Variants in PRDM12 observed in about 807,000 individuals in gnomAD.
PRDM12 encodes PR/SET domain 12.
PRDM12 carries 17 observed loss-of-function variants against 29.6 expected under a neutral mutation model. That is an observed-to-expected ratio of 0.57 (90% confidence interval 0.39 to 0.86). The LOEUF is 0.86. PRDM12 is among the 40% of genes least tolerant of loss of function. The pLI is 0.00. For missense variants in PRDM12, 422 were observed against 510.8 expected (o/e 0.83, Z 1.68); for synonymous variants, 231 against 225.8 (o/e 1.02, Z -0.21).
At chr9:130,667,512 C>G (rs979057561) in intron 2 of PRDM12, among the ~76,000 whole-genome samples, 1 of 140,896 alleles carries the variant, frequency 7.1e-6, no homozygotes, top group Non-Finnish European at 1.5e-5. Context: ...CTCATTCCCT[C>G]GCCCGCTCCC....
chr9:130,671,846 C>T (rs954839154), intron 3 of PRDM12, among the ~76,000 whole-genome samples: 11 of 152,220 alleles, frequency 7.2e-5, no homozygotes, highest in Non-Finnish European at 1.2e-4. Context: ...CTCAGAACTG[C>T]CACTCATAGT....
Position 130,682,731 on chromosome 9 carries a change from T to C in PRDM12, c.*1062T>C, listed in dbSNP as rs900688523. ...CCCTCTGGTGTCGCCTCTCACACTT[T>C]GCAGTCATTTACCAGGATTCCCGTA... On this transcript the variant is annotated 3_prime_UTR_variant, in exon 5 of 5. Transcript: ENST00000253008. This position sits in a 1 kb window ranked among gnomAD's most constrained non-coding sequence, Gnocchi z 4.2. 6.6e-6 allele frequency: 1 copy of C among 152,570 alleles called. No individual in the cohort carries two copies. Among genetic ancestry groups the C allele is most frequent in the Non-Finnish European group, 1.5e-5 (1 of 68,038 alleles). 9.5% of individuals were successfully genotyped at this position (152,570 alleles called of 1,614,324 possible).
rs1022036578 is a variant in PRDM12, at chr9:130,681,755, C to A, written c.*86C>A. The A allele has an allele frequency of 1.9e-5, 18 of 965,782 alleles. No homozygotes were observed. Among genetic ancestry groups the A allele is most frequent in the African/African-American group, 1.1e-4 (6 of 56,638 alleles). 59.8% of individuals were successfully genotyped at this position (965,782 alleles called of 1,614,324 possible). On this transcript the variant is annotated 3_prime_UTR_variant, in exon 5 of 5. Coordinates refer to ENST00000253008, the MANE Select transcript of PRDM12 (RefSeq NM_021619.3). This position sits in a 1 kb window ranked among gnomAD's most constrained non-coding sequence, Gnocchi z 8.1. The stretch of plus-strand genomic sequence containing the variant: ...AGCGCGACTCGCCCTCCAGCCCCAA[C>A]CCCCGGCCCGGCGCCGCCGCGGAGC...
chr9:130,676,967 C>T (rs1830848596), intron 3 of PRDM12, among the ~76,000 whole-genome samples: 1 of 152,058 alleles, frequency 6.6e-6, no homozygotes, highest in Non-Finnish European at 1.5e-5. Flanking sequence ...GGAGTGGTCA[C>T]CCAGGCTGGA....
intron 3 of PRDM12, 39 bp from the exon 4 acceptor site, chr9:130,678,490 T>A (rs775665008): frequency 6.7e-7 from 1 of 1,484,460 alleles, no homozygotes; most frequent in South Asian, 1.2e-5. Context: ...ACCTCCCAGC[T>A]GCGGCCTCCC....
chr9:130,681,414 G>C lies in PRDM12; in HGVS notation c.849G>C (p.Ser283=), dbSNP rs1415891726. The C allele has an allele frequency of 1.9e-6, 3 of 1,600,382 alleles. No individual in the cohort carries two copies. The highest frequency in any genetic ancestry group is 1.7e-5 in the Admixed American group (1 of 59,510). The change falls in exon 5 of 5, where the codon TCG becomes TCC. Residue 283 remains serine (S), a synonymous_variant. Transcript: ENST00000253008. The surrounding 1 kb of genome is among the most constrained non-coding windows in gnomAD (Gnocchi z 8.1). ...CRFCNRRFSQ[S]STLRNHVRLH... ...TCTGCAACCGCCGCTTCAGCCAGTC[G>C]TCCACGCTGCGCAACCACGTGCGCC...
At chr9:130,672,720 C>T (rs1424669656) in intron 3 of PRDM12, among the ~76,000 whole-genome samples, 1 of 152,132 alleles carries the variant, frequency 6.6e-6, no homozygotes, top group Non-Finnish European at 1.5e-5. Context: ...TGTGTCGGGA[C>T]ATCTGTGGTA....
intron 3 of PRDM12, among the ~76,000 whole-genome samples, chr9:130,669,328 A>AAAAT (rs1193931892): frequency 2.2e-4 from 34 of 151,952 alleles, no homozygotes; most frequent in East Asian, 5.8e-4. Flanking sequence ...CTGCATCTCA[A>AAAAT]AAATAAATAA....
At chr9:130,669,344 T>A (rs893543635) in intron 3 of PRDM12, among the ~76,000 whole-genome samples, 9 of 148,650 alleles carry the variant, frequency 6.1e-5, no homozygotes, top group Non-Finnish European at 1.2e-4. Flanking sequence ...AATAAATAAA[T>A]AAATAAAAAT....
At chr9:130,680,659 A>ATATTT in intron 4 of PRDM12, among the ~76,000 whole-genome samples, 35 of 72,162 alleles carry the variant, frequency 4.9e-4, no homozygotes, top group South Asian at 3.3e-3. Context: ...ATATATATAT[A>ATATTT]TTTTTTTTTT....
intron 4 of PRDM12, among the ~76,000 whole-genome samples, chr9:130,680,210 G>T (rs1367234391): frequency 6.6e-6 from 1 of 152,002 alleles, no homozygotes; most frequent in Non-Finnish European, 1.5e-5. Context: ...GCTGGCACGA[G>T]CCTGTGGTCC....
At position 130,666,594 on chromosome 9, in the gene PRDM12, C is replaced by T. The variant is rs754609249; in HGVS notation, c.224-14C>T. On this transcript the variant is annotated splice_polypyrimidine_tract_variant and intron_variant, in intron 1 of 4. Coordinates refer to ENST00000253008, the MANE Select transcript of PRDM12 (RefSeq NM_021619.3). ...CTCGGGCTCTGACCGGTTTTCCTGG[C>T]CCCGCCGCCGCAGAAGTGCAGAAGC... is the stretch of plus-strand genomic sequence containing the variant. The T allele has an allele frequency of 4.4e-6, 7 of 1,596,148 alleles. No homozygotes were observed. The highest frequency in any genetic ancestry group is 6.0e-6 in the Non-Finnish European group (7 of 1,172,826).
Position 130,665,174 on chromosome 9 carries a change from C to T in PRDM12, c.223+298C>T, listed in dbSNP as rs184274002. Among the ~76,000 whole-genome samples, 3 of 152,332 alleles carry T rather than the reference C, an allele frequency of 2.0e-5. No individual in the cohort carries two copies. The East Asian group carries it at 5.8e-4, about 29-fold the overall frequency. ...TGCGCTTGAGCTGGCGGGTTCCCGG[C>T]ATTTACAGCCTTACTAGGCGTGTAA... On this transcript the variant is annotated intron_variant, in intron 1 of 4. Transcript: ENST00000253008.
intron 4 of PRDM12, among the ~76,000 whole-genome samples, chr9:130,680,207 C>T (rs1336337442): frequency 1.3e-5 from 2 of 151,896 alleles, no homozygotes; most frequent in African/African-American, 2.4e-5. Context: ...TGTGCTGGCA[C>T]GAGCCTGTGG....
chr9:130,666,581 C>G, intron 1 of PRDM12, 27 bp from the exon 2 acceptor site: 1 of 1,595,356 alleles, frequency 6.3e-7, no homozygotes, highest in Non-Finnish European at 8.5e-7. Flanking sequence ...CGGGCTCTGA[C>G]CGGTTTTCCT....
chr9:130,678,474 A>G lies in PRDM12; in HGVS notation c.571-55A>G, dbSNP rs1278705759. 5 of 1,340,268 alleles carry G rather than the reference A, an allele frequency of 3.7e-6. No homozygotes were observed. The Admixed American group carries it at 7.2e-5, about 19-fold the overall frequency. The allele number at this position is 1,340,268 out of a possible 1,614,324, so 83.0% of individuals were successfully genotyped here. A position where few individuals can be genotyped will look rare whatever the true frequency, so the allele number is the denominator to read the frequency against. ...GTGGAGGGGTGCTCAGAGACCCCCAACTCTCACCTCCCAGCTGCGGCCTCC... is the reference window on the plus strand; with the variant it reads ...GTGGAGGGGTGCTCAGAGACCCCCAGCTCTCACCTCCCAGCTGCGGCCTCC... On this transcript the variant is annotated intron_variant, in intron 3 of 4. Coordinates refer to ENST00000253008, the MANE Select transcript of PRDM12 (RefSeq NM_021619.3).
In PRDM12 at chr9:130,668,346, ACCAGCCGGTAAAC is replaced by A. The variant is rs1360310854; in HGVS notation, c.570+36_570+48del. 6.3e-7 allele frequency: 1 copy of A among 1,584,128 alleles called. No homozygotes were observed. Among genetic ancestry groups the A allele is most frequent in the African/African-American group, 1.3e-5 (1 of 74,202 alleles). On this transcript the variant is annotated intron_variant, in intron 3 of 4. Coordinates refer to ENST00000253008, the MANE Select transcript of PRDM12 (RefSeq NM_021619.3). The surrounding 1 kb of genome is among the most constrained non-coding windows in gnomAD (Gnocchi z 4.0). ...TGTGTGTGTGCACTGTTGTGTAGGGACCAGCCGGTAAACCCGGCGGGGGGAGGTGTGCAGGGCA... is the reference window on the plus strand; with the variant it reads ...TGTGTGTGTGCACTGTTGTGTAGGGACCGGCGGGGGGAGGTGTGCAGGGCA...
chr9:130,665,405 T>A (rs2132587481), intron 1 of PRDM12, among the ~76,000 whole-genome samples: 2 of 152,222 alleles, frequency 1.3e-5, no homozygotes, highest in East Asian at 3.9e-4. Context: ...TTAAGATGTC[T>A]CAAGTTCTTA....
At chr9:130,666,583 G>T (rs201760153) in intron 1 of PRDM12, 25 bp from the exon 2 acceptor site, 2 of 1,595,776 alleles carry the variant, frequency 1.3e-6, no homozygotes, top group South Asian at 1.1e-5. Context: ...GGCTCTGACC[G>T]GTTTTCCTGG....
Sources: allele counts gnomAD v4.1 joint callset (sites outside exome capture counted in the v4.1 genomes callset), GRCh38; gene constraint gnomAD v4.1.1; non-coding constraint Gnocchi (gnomAD v3.1); transcripts MANE v1.5; gene names NCBI Gene and HGNC (gene_info 2026-07-23, HGNC 2026-07-21).